DPF3: variants seen among roughly 807,000 people sequenced by gnomAD.
The protein encoded by DPF3 is double PHD fingers 3.
A neutral mutation model predicts 56.8 loss-of-function variants in DPF3; 18 were observed. That is an observed-to-expected ratio of 0.32 (90% CI 0.22 to 0.47). The LOEUF is 0.47. Among genes scored for constraint, DPF3 ranks in the 20% least tolerant of loss-of-function variants. The probability of loss-of-function intolerance (pLI) is 1.00; values close to 1 mark genes in which losing one functional copy is unlikely to be tolerated. For synonymous variants in DPF3, 188 were observed against 180.2 expected, an observed-to-expected ratio of 1.04 and a Z score of -0.35; for missense variants, 403 against 488.8, an observed-to-expected ratio of 0.82 and a Z score of 1.65.
chr14:72,840,637 T>C (rs543395760), intron 1 of DPF3, among the ~76,000 whole-genome samples: 20 of 152,364 alleles, frequency 1.3e-4, no homozygotes, highest in African/African-American at 4.8e-4. Flanking sequence ...TTTTTTATTC[T>C]ACCATAATTT....
chr14:72,655,080 C>T (rs116728725), intron 8 of DPF3, among the ~76,000 whole-genome samples: 2,778 of 152,276 alleles, frequency 0.018, 42 homozygotes, highest in Middle Eastern at 0.044. Flanking sequence ...TTCTTTCTTA[C>T]ATAAGTTGTC....
At chr14:72,893,382 C>A (rs1886853540) in intron 1 of DPF3, among the ~76,000 whole-genome samples, 1 of 152,192 alleles carries the variant, frequency 6.6e-6, no homozygotes, top group Non-Finnish European at 1.5e-5. Flanking sequence ...CACGCTCGAT[C>A]GCCCGGAGCG....
intron 8 of DPF3, among the ~76,000 whole-genome samples, chr14:72,666,170 G>C (rs1036439392): frequency 1.3e-5 from 2 of 152,074 alleles, no homozygotes; most frequent in African/African-American, 4.8e-5. Flanking sequence ...TGTGACCAGG[G>C]CCCAAAATGT....
intron 7 of DPF3, among the ~76,000 whole-genome samples, chr14:72,690,943 A>G (rs932495650): frequency 3.3e-5 from 5 of 152,194 alleles, no homozygotes; most frequent in African/African-American, 4.8e-5. Flanking sequence ...GCTCCGTGTG[A>G]CCTCTTGGTC....
chr14:72,811,890 C>G (rs1441329764), intron 1 of DPF3, among the ~76,000 whole-genome samples: 1 of 152,050 alleles, frequency 6.6e-6, no homozygotes, highest in Non-Finnish European at 1.5e-5. Flanking sequence ...TGGCTTGCTC[C>G]AGGGCACCCA....
intron 1 of DPF3, among the ~76,000 whole-genome samples, chr14:72,846,388 T>G (rs1250592401): frequency 7.3e-6 from 1 of 136,788 alleles, no homozygotes; most frequent in Non-Finnish European, 1.5e-5. Context: ...CAGGCTGGAG[T>G]GCAGTGGTGC....
At chr14:72,688,381 T>C (rs1249018659) in intron 7 of DPF3, among the ~76,000 whole-genome samples, 1 of 152,070 alleles carries the variant, frequency 6.6e-6, no homozygotes, top group East Asian at 1.9e-4. Context: ...TTAGACTGAA[T>C]TTATTTACAC....
intron 1 of DPF3, among the ~76,000 whole-genome samples, chr14:72,789,525 T>A (rs1892343312): frequency 6.6e-6 from 1 of 152,032 alleles, no homozygotes. Flanking sequence ...AAAATAATAA[T>A]TTTTTTTGAG....
chr14:72,890,816 C>G (rs901603054), intron 1 of DPF3, among the ~76,000 whole-genome samples: 1 of 152,094 alleles, frequency 6.6e-6, no homozygotes, highest in Non-Finnish European at 1.5e-5. Context: ...CTGCCGTGTC[C>G]CCTTTGTGAT....
intron 7 of DPF3, chr14:72,679,186 C>G (rs1887045966): frequency 6.6e-6 from 1 of 152,274 alleles, no homozygotes; most frequent in African/African-American, 2.4e-5. Flanking sequence ...CCAGTCGGAT[C>G]TCCGCTGTGG....
intron 3 of DPF3, among the ~76,000 whole-genome samples, chr14:72,736,276 G>A (rs546800280): frequency 2.0e-5 from 3 of 152,258 alleles, no homozygotes; most frequent in South Asian, 4.1e-4. Flanking sequence ...TTCAAAGTCT[G>A]GTGGGTATTT....
rs1888931833 is a variant in DPF3, at chr14:72,716,470, GAGA to G, written c.526-1972_526-1970del. Among the ~76,000 whole-genome samples, 4 of 152,240 alleles carry G rather than the reference GAGA, an allele frequency of 2.6e-5. No homozygotes were observed. The South Asian group carries it at 8.3e-4, about 32-fold the overall frequency. Reference sequence around the variant, plus strand: ...GGCCTTCTCAAATGTCACCTCCTCAGAGAAGCCCTCCCTGACCAACTTACATCC... The same window carrying G: ...GGCCTTCTCAAATGTCACCTCCTCAGAGCCCTCCCTGACCAACTTACATCC... On this transcript the variant is annotated intron_variant, in intron 5 of 10. Coordinates refer to ENST00000556509, the MANE Select transcript of DPF3 (RefSeq NM_001280542.3).
intron 1 of DPF3, among the ~76,000 whole-genome samples, chr14:72,807,904 G>A (rs922729735): frequency 5.3e-5 from 8 of 152,166 alleles, no homozygotes; most frequent in Non-Finnish European, 1.2e-4. Flanking sequence ...GTTGGAGGCT[G>A]CAGTGAGTTA....
intron 1 of DPF3, among the ~76,000 whole-genome samples, chr14:72,820,880 C>G (rs1883500533): frequency 1.3e-5 from 2 of 151,886 alleles, no homozygotes; most frequent in Non-Finnish European, 2.9e-5. Flanking sequence ...TCCTGTAATC[C>G]CAGCACTTTG....
rs2139914315 is a variant in DPF3 at position 72,758,041 on chromosome 14, C to T, written c.194-4670G>A. On this transcript the variant is annotated intron_variant, in intron 2 of 10. Transcript: ENST00000556509. The stretch of plus-strand genomic sequence containing the variant: ...AAGAGAAGGACGAAGAGGAAATTGC[C>T]TATACGAAAAAGAAACAGGGTAAAA... 2.0e-5 allele frequency among the ~76,000 whole-genome samples: 3 copies of T among 151,796 alleles called. No homozygotes were observed. In the South Asian group the frequency reaches 6.3e-4, roughly 32 times the overall value.
chr14:72,618,009 A>T lies in DPF3; in HGVS notation c.*1288T>A, dbSNP rs1372149752. Among the ~76,000 whole-genome samples, 2 of 151,986 alleles carry T rather than the reference A, an allele frequency of 1.3e-5. No individual in the cohort carries two copies. Among genetic ancestry groups the T allele is most frequent in the Non-Finnish European group, 2.9e-5 (2 of 68,000 alleles). ...CCAGCCCTCGGGGCTATCTTCCAACACACAGAGTTCTCGGAAGCTCAGCCT... is the reference window on the plus strand; with the variant it reads ...CCAGCCCTCGGGGCTATCTTCCAACTCACAGAGTTCTCGGAAGCTCAGCCT... On this transcript the variant is annotated 3_prime_UTR_variant, in exon 11 of 11. Transcript: ENST00000556509.
chr14:72,784,273 T>G (rs371960231), intron 1 of DPF3, among the ~76,000 whole-genome samples: 4 of 152,294 alleles, frequency 2.6e-5, no homozygotes, highest in East Asian at 3.9e-4. Context: ...AGGCTGGTTA[T>G]GTCCCCAAAC....
chr14:72,808,224 C>A (rs1156358819), intron 1 of DPF3, among the ~76,000 whole-genome samples: 2 of 152,032 alleles, frequency 1.3e-5, no homozygotes, highest in Non-Finnish European at 2.9e-5. Context: ...ACCAGCAGAA[C>A]CGAGGTGAAA....
intron 3 of DPF3, among the ~76,000 whole-genome samples, chr14:72,735,878 C>CA (rs1239796388): frequency 6.6e-6 from 1 of 152,066 alleles, no homozygotes; most frequent in African/African-American, 2.4e-5. Context: ...AATCCACACA[C>CA]AAAAAAACTA....
Sources: gnomAD v4.1 joint callset for allele counts (sites outside exome capture counted in the v4.1 genomes callset) on GRCh38, gnomAD v4.1.1 for gene constraint, MANE v1.5 for transcripts, NCBI Gene and HGNC (gene_info 2026-07-23, HGNC 2026-07-21) for gene names.